The following PARD3 variants were observed in gnomAD, a reference collection of about 807,000 sequenced individuals.
PARD3 encodes partitioning defective 3 homolog.
A neutral mutation model predicts 155.4 loss-of-function variants in PARD3; 75 were observed. The ratio of observed to expected loss-of-function variants is 0.48; its 90% CI spans 0.40 to 0.58. The LOEUF is 0.58. Ranked by LOEUF, PARD3 falls within the 20% of genes least tolerant of loss-of-function variation. PARD3 has a pLI of 0.00. For synonymous variants in PARD3, 576 were observed against 610.5 expected (o/e 0.94, Z 0.83); for missense variants, 1,642 against 1,721.7 (o/e 0.95, Z 0.82).
chr10:34,234,482 C>T (rs1388030725), intron 22 of PARD3, among the ~76,000 whole-genome samples: 2 of 152,146 alleles, frequency 1.3e-5, no homozygotes, highest in Non-Finnish European at 2.9e-5. Context: ...TAGTTTCTGG[C>T]CCATGCTAAA....
At chr10:34,460,305 T>TC (rs1012546005) in intron 4 of PARD3, among the ~76,000 whole-genome samples, 2 of 151,648 alleles carry the variant, frequency 1.3e-5, no homozygotes, top group African/African-American at 4.8e-5. Context: ...ACTCTCCCCT[T>TC]CCCCCCAAAA....
chr10:34,616,744 A>G (rs929192652), intron 2 of PARD3, among the ~76,000 whole-genome samples: 2 of 152,100 alleles, frequency 1.3e-5, no homozygotes, highest in Non-Finnish European at 2.9e-5. Flanking sequence ...GTTTGGGACC[A>G]ACCTGGGCAA....
At chr10:34,808,343 A>G (rs1010719719) in intron 1 of PARD3, among the ~76,000 whole-genome samples, 1 of 140,804 alleles carries the variant, frequency 7.1e-6, no homozygotes, top group Non-Finnish European at 1.5e-5. Context: ...AAAAACTTGT[A>G]AATAATGACT....
intron 3 of PARD3, among the ~76,000 whole-genome samples, chr10:34,510,359 C>G (rs1360702787): frequency 1.3e-5 from 2 of 152,154 alleles, no homozygotes; most frequent in East Asian, 3.9e-4. Flanking sequence ...ATAGCTGCCC[C>G]CTAACTACAG....
Position 34,391,391 on chromosome 10 carries a change from GAGA to G in PARD3, c.891-7140_891-7138del, listed in dbSNP as rs769733846. ...CCTCCAGCTTCCAGCAGAGCGAAGGGAGAAGGTTTTTCTTTTTTCCCACAGAGC... is the reference window on the plus strand; with the variant it reads ...CCTCCAGCTTCCAGCAGAGCGAAGGGAGGTTTTTCTTTTTTCCCACAGAGC... On this transcript the variant is annotated intron_variant, in intron 7 of 24. Coordinates refer to ENST00000374788, the MANE Select transcript of PARD3 (RefSeq NM_001184785.2). Among the ~76,000 whole-genome samples, 306 of 152,274 alleles carry G rather than the reference GAGA, an allele frequency of 2.0e-3. 1 individual carries two copies. Among genetic ancestry groups the G allele is most frequent in the Non-Finnish European group, 3.4e-3 (228 of 68,016 alleles).
chr10:34,697,766 A>AACACGCACACACACAC lies in PARD3; in HGVS notation c.121-1348_121-1347insGTGTGTGTGTGCGTGT, dbSNP rs377094946. 3.4e-5 allele frequency among the ~76,000 whole-genome samples: 5 copies of AACACGCACACACACAC among 146,540 alleles called. No individual in the cohort carries two copies. In the South Asian group the frequency reaches 6.4e-4, roughly 19 times the overall value. On this transcript the variant is annotated intron_variant, in intron 1 of 24. Coordinates refer to ENST00000374788, the MANE Select transcript of PARD3 (RefSeq NM_001184785.2). ...ACACAGAGAGTAAGTTTGTAAAACA[A>AACACGCACACACACAC]ACACTCACACACACACACACACACA...
intron 1 of PARD3, among the ~76,000 whole-genome samples, chr10:34,750,158 A>G (rs534711605): frequency 6.6e-6 from 1 of 152,228 alleles, no homozygotes; most frequent in South Asian, 2.1e-4. Context: ...TCAAAGTCAT[A>G]AGCTTGGAAA....
At chr10:34,275,714 G>A (rs2133886976) in intron 21 of PARD3, among the ~76,000 whole-genome samples, 1 of 152,234 alleles carries the variant, frequency 6.6e-6, no homozygotes, top group Non-Finnish European at 1.5e-5. Flanking sequence ...AACATGTTTG[G>A]TGTCCTCATA....
At chr10:34,336,993 T>TAATGAAATGTTTTATTTTACAA (rs1836262839) in intron 17 of PARD3, among the ~76,000 whole-genome samples, 1 of 152,166 alleles carries the variant, frequency 6.6e-6, no homozygotes, top group Non-Finnish European at 1.5e-5. Context: ...TTTCATTTTG[T>TAATGAAATGTTTTATTTTACAA]AAAATAAAGA....
intron 2 of PARD3, among the ~76,000 whole-genome samples, chr10:34,604,570 TTATA>T (rs758435029): frequency 8.1e-5 from 12 of 147,992 alleles, no homozygotes; most frequent in Non-Finnish European, 1.5e-4. Flanking sequence ...TCTCCTTTAT[TTATA>T]TATATATAAA....
At chr10:34,348,892 G>C (rs746922758) in intron 14 of PARD3, among the ~76,000 whole-genome samples, 1 of 151,980 alleles carries the variant, frequency 6.6e-6, no homozygotes, top group Non-Finnish European at 1.5e-5. Context: ...AAAATGTATC[G>C]GGCATTTCTT....
chr10:34,381,919 A>AAAG, intron 9 of PARD3, among the ~76,000 whole-genome samples: 1 of 57,058 alleles, frequency 1.8e-5, no homozygotes, highest in Non-Finnish European at 3.2e-5. Context: ...TCTCAAAAAA[A>AAAG]AAAAAAAAAA....
chr10:34,434,044 T>C (rs1206852639), intron 5 of PARD3, among the ~76,000 whole-genome samples: 1 of 152,144 alleles, frequency 6.6e-6, no homozygotes, highest in East Asian at 1.9e-4. Context: ...TGCCTCACAT[T>C]GGTTTTGGCA....
In PARD3 at chr10:34,235,290, T is replaced by C. The variant is rs144144578; in HGVS notation, c.3419+34367A>G. Reference sequence around the variant, plus strand: ...ATCTTCCTGGAACTATAAAAGCTAATGTCAGGGCTGAAGCATCGGAGAGAT... The same window carrying C: ...ATCTTCCTGGAACTATAAAAGCTAACGTCAGGGCTGAAGCATCGGAGAGAT... On this transcript the variant is annotated intron_variant, in intron 22 of 24. Coordinates refer to ENST00000374788, the MANE Select transcript of PARD3 (RefSeq NM_001184785.2). 1.8e-4 allele frequency among the ~76,000 whole-genome samples: 28 copies of C among 152,352 alleles called. 1 individual carries two copies. The East Asian group carries it at 5.4e-3, about 29-fold the overall frequency.
intron 1 of PARD3, 120 bp downstream of exon 1, chr10:34,814,756 G>A (rs113044591): frequency 0.25 from 214,938 of 877,096 alleles, 28,458 homozygotes; most frequent in African/African-American, 0.37. Flanking sequence ...GGCCCGACCG[G>A]CCGCACTTTC....
rs566420958 is a variant in PARD3, at chr10:34,178,450, A to T, written c.3420-46867T>A. Among the ~76,000 whole-genome samples, 3 of 152,346 alleles carry T rather than the reference A, an allele frequency of 2.0e-5. No homozygotes were observed. The East Asian group carries it at 5.8e-4, about 29-fold the overall frequency. On this transcript the variant is annotated intron_variant, in intron 22 of 24. Coordinates refer to ENST00000374788, the MANE Select transcript of PARD3 (RefSeq NM_001184785.2). ...TTAATCTTTTCAAGGCAAGATAATG[A>T]CTTTAAATGTCCCTGGGCAAAAAAG...
chr10:34,625,580 G>C (rs1304183265), intron 2 of PARD3, among the ~76,000 whole-genome samples: 7 of 152,184 alleles, frequency 4.6e-5, no homozygotes, highest in African/African-American at 1.7e-4. Flanking sequence ...TTTTCGACTT[G>C]AAAACAAAGG....
intron 2 of PARD3, among the ~76,000 whole-genome samples, chr10:34,676,238 A>G (rs1329976958): frequency 6.6e-6 from 1 of 152,204 alleles, no homozygotes; most frequent in East Asian, 1.9e-4. Context: ...TATGTTTTCT[A>G]CGGAAACCTT....
chr10:34,525,254 G>A lies in PARD3; in HGVS notation c.223-8095C>T, dbSNP rs372335220. On this transcript the variant is annotated intron_variant, in intron 2 of 24. Coordinates refer to ENST00000374788, the MANE Select transcript of PARD3 (RefSeq NM_001184785.2). ...GTTATGCATGTGAGATTAATTCCAC[G>A]CTTCATCAGCATATTAAGAAGGGTA... Among the ~76,000 whole-genome samples the A allele has an allele frequency of 2.2e-4, 34 of 152,260 alleles. No individual in the cohort carries two copies. In the East Asian group the frequency reaches 2.5e-3, roughly 11 times the overall value.
Sources: allele counts gnomAD v4.1 joint callset (sites outside exome capture counted in the v4.1 genomes callset), GRCh38; gene constraint gnomAD v4.1.1; transcripts MANE v1.5; gene names NCBI Gene and HGNC (gene_info 2026-07-23, HGNC 2026-07-21).